The following RBFOX1 variants were observed in gnomAD, a reference collection of about 807,000 sequenced individuals.
RBFOX1 encodes RNA binding protein fox-1 homolog 1.
A neutral mutation model predicts 57.7 loss-of-function variants in RBFOX1; 8 were observed. The observed-to-expected ratio is 0.14, with a 90% CI of 0.08 to 0.25. The LOEUF is 0.25. Among genes scored for constraint, RBFOX1 ranks in the 10% least tolerant of loss-of-function variants. The pLI is 1.00. For missense variants in RBFOX1, 611 were observed against 548.5 expected (o/e 1.11, Z -1.14); for synonymous variants, 326 against 222.4 (o/e 1.47, Z -4.15).
chr16:6,331,180 G>A (rs926573724), intron 2 of RBFOX1, among the ~76,000 whole-genome samples: 2 of 152,220 alleles, frequency 1.3e-5, no homozygotes, highest in African/African-American at 4.8e-5. Flanking sequence ...GCCGGGCCCA[G>A]TGGTTCACAC....
At chr16:6,464,459 A>G (rs2094993843) in intron 2 of RBFOX1, among the ~76,000 whole-genome samples, 1 of 152,218 alleles carries the variant, frequency 6.6e-6, no homozygotes, top group South Asian at 2.1e-4. Flanking sequence ...CAGCAACAAC[A>G]AGCGTTGTTT....
intron 3 of RBFOX1, among the ~76,000 whole-genome samples, chr16:5,621,275 C>A (rs1460487906): frequency 1.3e-5 from 2 of 152,206 alleles, no homozygotes; most frequent in African/African-American, 4.8e-5. Flanking sequence ...CCATGCCTGG[C>A]TTTCCTTTCA....
chr16:5,912,458 C>T lies in RBFOX1; in HGVS notation c.351+45123C>T, dbSNP rs969423301. Among the ~76,000 whole-genome samples, 6 of 152,196 alleles carry T rather than the reference C, an allele frequency of 3.9e-5. No individual in the cohort carries two copies. The East Asian group carries it at 1.2e-3, about 29-fold the overall frequency. The stretch of plus-strand genomic sequence containing the variant: ...TGGTTTGGGGACATGTCACGGCCAC[C>T]TGGCATCTCCCAGCTCCTCTCACCT... On this transcript the variant is annotated intron_variant, in intron 4 of 19. Coordinates refer to the RBFOX1 transcript ENST00000641259.
intron 2 of RBFOX1, among the ~76,000 whole-genome samples, chr16:6,641,780 A>G (rs4578650): frequency 1.7e-4 from 3 of 17,860 alleles, no homozygotes; most frequent in African/African-American, 2.9e-4. Context: ...AAAAAAAAAT[A>G]GGTTCTGCCC....
chr16:7,287,324 G>C (rs1434353087), intron 4 of RBFOX1, among the ~76,000 whole-genome samples: 1 of 152,196 alleles, frequency 6.6e-6, no homozygotes, highest in Non-Finnish European at 1.5e-5. Context: ...GACCTGGAGA[G>C]ACAAGAAAGA....
chr16:5,481,995 G>C (rs1352147), intron 2 of RBFOX1, among the ~76,000 whole-genome samples: 25,571 of 152,132 alleles, frequency 0.17, 2,708 homozygotes, highest in Middle Eastern at 0.29. Context: ...CTTAGAGCTT[G>C]AACACACAAA....
At chr16:7,212,242 C>T (rs1396973637) in intron 4 of RBFOX1, among the ~76,000 whole-genome samples, 1 of 152,178 alleles carries the variant, frequency 6.6e-6, no homozygotes, top group Admixed American at 6.5e-5. Flanking sequence ...GAGGGAAGCA[C>T]AAGCTACTAA....
chr16:5,822,460 A>G (rs1166862571), intron 3 of RBFOX1, among the ~76,000 whole-genome samples: 2 of 152,222 alleles, frequency 1.3e-5, no homozygotes, highest in East Asian at 3.8e-4. Flanking sequence ...CAAATAAAAA[A>G]TAAAAAGTTA....
intron 3 of RBFOX1, among the ~76,000 whole-genome samples, chr16:6,862,853 C>T (rs921627425): frequency 6.6e-6 from 1 of 151,616 alleles, no homozygotes; most frequent in Non-Finnish European, 1.5e-5. Context: ...GTCATGGTGG[C>T]CGGCACCTGT....
chr16:6,442,571 G>GAA (rs59089189), intron 2 of RBFOX1, among the ~76,000 whole-genome samples: 45 of 150,378 alleles, frequency 3.0e-4, no homozygotes, highest in Middle Eastern at 3.4e-3. Flanking sequence ...AAAAAGAAAA[G>GAA]AAAAAAAAAG....
chr16:5,744,383 A>G (rs9938914), intron 3 of RBFOX1, among the ~76,000 whole-genome samples: 93 of 152,292 alleles, frequency 6.1e-4, no homozygotes, highest in African/African-American at 2.2e-3. Context: ...ATCCCTTGAA[A>G]TCAGGGACAA....
chr16:7,330,188 G>T (rs1269145737), intron 4 of RBFOX1, among the ~76,000 whole-genome samples: 3 of 152,070 alleles, frequency 2.0e-5, no homozygotes, highest in African/African-American at 7.2e-5. Flanking sequence ...AAAATCTGCA[G>T]ATGCTCAGTC....
rs544711810 is a variant in RBFOX1, at chr16:5,553,873, A to T, written c.259-45029A>T. Among the ~76,000 whole-genome samples the T allele has an allele frequency of 4.2e-3, 637 of 152,080 alleles. 1 individual carries two copies. The highest frequency in any genetic ancestry group is 7.6e-3 in the Non-Finnish European group (519 of 67,976). On this transcript the variant is annotated intron_variant, in intron 2 of 2. Transcript: ENST00000585867. ...TGATTGAATTTAATTATTATTGCAT[A>T]TGTCTGGGTACCCTGTGGATGGATC...
At chr16:6,771,287 G>A (rs572056165) in intron 3 of RBFOX1, among the ~76,000 whole-genome samples, 39 of 152,128 alleles carry the variant, frequency 2.6e-4, no homozygotes, top group Non-Finnish European at 3.1e-4. Flanking sequence ...CACAGTCTAC[G>A]GTGCTTTGTT....
At position 6,666,510 on chromosome 16, in the gene RBFOX1, A is replaced by G. The variant is rs543004687; in HGVS notation, c.-16+11860A>G. Among the ~76,000 whole-genome samples, 37 of 148,574 alleles carry G rather than the reference A, an allele frequency of 2.5e-4. 1 individual carries two copies. Among genetic ancestry groups the G allele is most frequent in the African/African-American group, 8.3e-4 (33 of 39,844 alleles). On this transcript the variant is annotated intron_variant, in intron 3 of 15. Transcript: ENST00000550418. ...AGCTGAGATCACACCACTGCACTCC[A>G]GCCTGGGTGACAGAGTAAGACTCTG...
Position 5,969,298 on chromosome 16 carries a change from C to CTTTTTTT in RBFOX1, c.351+101982_351+101988dup, listed in dbSNP as rs71142659. Among the ~76,000 whole-genome samples, 518 of 83,794 alleles carry CTTTTTTT rather than the reference C, an allele frequency of 6.2e-3. 5 individuals carry two copies. The highest frequency in any genetic ancestry group is 0.013 in the East Asian group (30 of 2,298). The allele number at this position is 83,794 out of a possible 152,430, so 55.0% of individuals were successfully genotyped here. On this transcript the variant is annotated intron_variant, in intron 4 of 19. Transcript: ENST00000641259. ...ATGCCTGTGATTATTTTCGGTTGTT[C>CTTTTTTT]TTTTTTTTTTTTTTTTTTTTTTTTT...
chr16:6,749,342 C>G (rs777652414), intron 3 of RBFOX1, among the ~76,000 whole-genome samples: 3 of 152,154 alleles, frequency 2.0e-5, no homozygotes, highest in Non-Finnish European at 2.9e-5. Flanking sequence ...CCACACAGCG[C>G]CTGGTTCAAA....
At chr16:7,361,019 A>T (rs2097309809) in intron 4 of RBFOX1, among the ~76,000 whole-genome samples, 1 of 152,196 alleles carries the variant, frequency 6.6e-6, no homozygotes, top group Non-Finnish European at 1.5e-5. Context: ...ATGGGAATCA[A>T]CCCAACCAGG....
intron 4 of RBFOX1, among the ~76,000 whole-genome samples, chr16:7,344,795 C>T (rs1053560399): frequency 2.0e-5 from 3 of 152,226 alleles, no homozygotes; most frequent in East Asian, 1.9e-4. Context: ...CCCGTCCTCC[C>T]GCAGACCACA....
Sources: allele counts gnomAD v4.1 joint callset (sites outside exome capture counted in the v4.1 genomes callset), GRCh38; gene constraint gnomAD v4.1.1; transcripts MANE v1.5; gene names NCBI Gene and HGNC (gene_info 2026-07-23, HGNC 2026-07-21).